Variants in PAPPA2 observed in about 807,000 individuals in gnomAD.
PAPPA2 encodes the protein pappalysin-2.
A neutral mutation model predicts 176.4 loss-of-function variants in PAPPA2; 86 were observed. That is an observed-to-expected ratio of 0.49 (90% CI 0.41 to 0.58). The LOEUF (loss-of-function observed/expected upper bound fraction) is 0.58, where lower values mean the gene tolerates loss of function less well. Ranked by LOEUF, PAPPA2 falls within the 20% of genes least tolerant of loss-of-function variation. The pLI, the probability that PAPPA2 is intolerant of heterozygous loss-of-function variation, is 0.00. For missense variants in PAPPA2, 2,073 were observed against 2,256.9 expected (o/e 0.92, Z 1.65); for synonymous variants, 809 against 852.2 (o/e 0.95, Z 0.88).
chr1:176,630,719 TA>T lies in PAPPA2; in HGVS notation c.1991+35125del, dbSNP rs755036337. Among the ~76,000 whole-genome samples the T allele has an allele frequency of 3.9e-5, 6 of 152,250 alleles. No individual in the cohort carries two copies. The East Asian group carries it at 7.7e-4, about 20-fold the overall frequency. On this transcript the variant is annotated intron_variant, in intron 3 of 22. Coordinates refer to ENST00000367662, the MANE Select transcript of PAPPA2 (RefSeq NM_020318.3). ...ATACAGGCTCTGATAGAGGGTCTGA[TA>T]GGGGAGGTGACACATGTATTCATGG... is the stretch of plus-strand genomic sequence containing the variant.
intron 1 of PAPPA2, among the ~76,000 whole-genome samples, chr1:176,487,971 G>C (rs548616070): frequency 6.6e-6 from 1 of 152,228 alleles, no homozygotes; most frequent in East Asian, 1.9e-4. Context: ...TTTTAGGCAG[G>C]TAAGTAGAAA....
chr1:176,583,375 C>G (rs866650416), intron 2 of PAPPA2, among the ~76,000 whole-genome samples: 2 of 151,994 alleles, frequency 1.3e-5, no homozygotes, highest in Non-Finnish European at 2.9e-5. Context: ...AATCTTGTCT[C>G]AATACTGCTT....
Position 176,556,796 on chromosome 1 carries a change from T to C in PAPPA2, c.474T>C (p.Gly158=). 3 of 1,613,822 alleles carry C rather than the reference T, an allele frequency of 1.9e-6. No individual in the cohort carries two copies. The highest frequency in any genetic ancestry group is 2.5e-6 in the Non-Finnish European group (3 of 1,179,962). ...LGNQRSKESL[G]EAGIQKGSAM... ...ATCAAAGATCCAAGGAGTCTCTAGG[T>C]GAGGCCGGGATTCAGAAAGGCTCAG... The change falls in exon 2 of 23, where the codon GGT becomes GGC. Residue 158 remains glycine (G), a synonymous_variant. Coordinates refer to ENST00000367662, the MANE Select transcript of PAPPA2 (RefSeq NM_020318.3).
chr1:176,633,699 T>C (rs1421877251), intron 3 of PAPPA2, among the ~76,000 whole-genome samples: 1 of 152,188 alleles, frequency 6.6e-6, no homozygotes, highest in Non-Finnish European at 1.5e-5. Flanking sequence ...TCTACTCATC[T>C]GACAAAGGGC....
Position 176,594,781 on chromosome 1 carries a change from G to T in PAPPA2, c.1177G>T (p.Gly393Cys). ...TQVASSLDQS[G>C]PLNSPFMASC... ...GGTGGCTAGCAGTCTAGACCAGTCTGGTCCCCTGAACAGCCCCTTCATGGC... is the reference window on the plus strand; with the variant it reads ...GGTGGCTAGCAGTCTAGACCAGTCTTGTCCCCTGAACAGCCCCTTCATGGC... The change falls in exon 3 of 23, where the codon GGT becomes TGT. Residue 393 changes from glycine to cysteine, a missense_variant. By Grantham distance (159) the Gly-to-Cys change is radical (BLOSUM62 -3). Coordinates refer to ENST00000367662, the MANE Select transcript of PAPPA2 (RefSeq NM_020318.3). 6.2e-7 allele frequency: 1 copy of T among 1,614,206 alleles called. No homozygotes were observed. The highest frequency in any genetic ancestry group is 8.5e-7 in the Non-Finnish European group (1 of 1,180,032).
At chr1:176,810,957 A>G (rs1014307908) in intron 21 of PAPPA2, among the ~76,000 whole-genome samples, 3 of 152,224 alleles carry the variant, frequency 2.0e-5, no homozygotes, top group African/African-American at 7.2e-5. Context: ...CCTCAGCTTC[A>G]TAATGAAACC....
chr1:176,531,511 A>G (rs1649805947), intron 1 of PAPPA2, among the ~76,000 whole-genome samples: 1 of 152,142 alleles, frequency 6.6e-6, no homozygotes, highest in Non-Finnish European at 1.5e-5. Flanking sequence ...GACTTTCTGG[A>G]TGTAGTATTT....
intron 4 of PAPPA2, among the ~76,000 whole-genome samples, chr1:176,675,826 G>A (rs1427469634): frequency 2.6e-5 from 4 of 151,938 alleles, no homozygotes; most frequent in South Asian, 2.1e-4. Flanking sequence ...TACAAAACAC[G>A]AATCTGGCAA....
chr1:176,716,231 C>CTTTTTTTTTTTTTT (rs371904164), intron 12 of PAPPA2, among the ~76,000 whole-genome samples: 2 of 133,234 alleles, frequency 1.5e-5, no homozygotes, highest in Non-Finnish European at 3.2e-5. Context: ...TAACCTCTTT[C>CTTTTTTTTTTTTTT]TTTTTTTTTT....
chr1:176,497,697 G>A (rs1279817751), intron 1 of PAPPA2, among the ~76,000 whole-genome samples: 2 of 152,168 alleles, frequency 1.3e-5, no homozygotes, highest in Non-Finnish European at 2.9e-5. Flanking sequence ...GGACCTTAGT[G>A]GGGGTTGCCT....
chr1:176,788,744 T>G (rs1344554451), intron 17 of PAPPA2, among the ~76,000 whole-genome samples: 1 of 152,206 alleles, frequency 6.6e-6, no homozygotes, highest in Non-Finnish European at 1.5e-5. Flanking sequence ...TCCAGGGCAG[T>G]ATTGAGTCAT....
At chr1:176,469,579 G>A (rs1180100630) in intron 1 of PAPPA2, among the ~76,000 whole-genome samples, 1 of 152,206 alleles carries the variant, frequency 6.6e-6, no homozygotes, top group Non-Finnish European at 1.5e-5. Context: ...TTTTCATCCA[G>A]CTGGGGAGAA....
chr1:176,718,455 A>AT (rs796255195), intron 12 of PAPPA2, among the ~76,000 whole-genome samples: 37 of 151,972 alleles, frequency 2.4e-4, no homozygotes, highest in African/African-American at 8.9e-4. Flanking sequence ...TTCTTTTTCT[A>AT]GTAACTTGAG....
chr1:176,830,260 C>T (rs1280588626), intron 21 of PAPPA2, among the ~76,000 whole-genome samples: 1 of 152,124 alleles, frequency 6.6e-6, no homozygotes, highest in Non-Finnish European at 1.5e-5. Flanking sequence ...GAATGTTTAC[C>T]TTATCTTGGA....
At chr1:176,669,214 G>A (rs1464163968) in intron 3 of PAPPA2, among the ~76,000 whole-genome samples, 3 of 152,096 alleles carry the variant, frequency 2.0e-5, no homozygotes, top group African/African-American at 4.8e-5. Flanking sequence ...AAAGGATGTG[G>A]CTTTTCTTCC....
At chr1:176,739,502 TA>T (rs956751547) in intron 12 of PAPPA2, 123 bp from the exon 13 acceptor site, 98 of 1,036,228 alleles carry the variant, frequency 9.5e-5, no homozygotes, top group Middle Eastern at 6.5e-4. Flanking sequence ...TTAGCATTTA[TA>T]AAAAAAATGG....
At chr1:176,658,570 G>A (rs555282380) in intron 3 of PAPPA2, among the ~76,000 whole-genome samples, 3 of 152,104 alleles carry the variant, frequency 2.0e-5, no homozygotes, top group East Asian at 3.9e-4. Flanking sequence ...ATCAGTGAAG[G>A]CCTCATGGAA....
chr1:176,784,689 C>T (rs760510308), intron 17 of PAPPA2, among the ~76,000 whole-genome samples: 12 of 151,760 alleles, frequency 7.9e-5, no homozygotes, highest in Non-Finnish European at 1.2e-4. Context: ...CAGGTTCAAG[C>T]GATTCTTCTG....
chr1:176,687,115 A>G (rs1659874340), intron 4 of PAPPA2, among the ~76,000 whole-genome samples: 1 of 152,230 alleles, frequency 6.6e-6, no homozygotes, highest in Non-Finnish European at 1.5e-5. Flanking sequence ...ACACACATGT[A>G]GTTACTGAAC....
Sources: allele counts gnomAD v4.1 joint callset (sites outside exome capture counted in the v4.1 genomes callset), GRCh38; gene constraint gnomAD v4.1.1; transcripts MANE v1.5; gene names NCBI Gene and HGNC (gene_info 2026-07-23, HGNC 2026-07-21).